ZNF804A: variants seen among roughly 807,000 people sequenced by gnomAD.
ZNF804A encodes the protein zinc finger protein 804A.
Under a neutral mutation model 16.5 loss-of-function variants are expected in ZNF804A, and 2 were observed. The observed-to-expected ratio is 0.12, with a 90% CI of 0.05 to 0.38. The LOEUF (loss-of-function observed/expected upper bound fraction) is 0.38, where lower values mean the gene tolerates loss of function less well. Among genes scored for constraint, ZNF804A ranks in the 10% least tolerant of loss-of-function variants. The pLI is 0.99. For synonymous variants in ZNF804A, 534 were observed against 489.6 expected (o/e 1.09, Z -1.20); for missense variants, 1,473 against 1,390.7 (o/e 1.06, Z -0.94).
intron 1 of ZNF804A, among the ~76,000 whole-genome samples, chr2:184,863,736 A>G (rs532557148): frequency 6.6e-6 from 1 of 152,278 alleles, no homozygotes; most frequent in South Asian, 2.1e-4. Context: ...CATTTCCTCT[A>G]TTGATTAGAA....
chr2:184,822,580 GAA>G lies in ZNF804A; in HGVS notation c.112-43787_112-43786del, dbSNP rs1695100963. Among the ~76,000 whole-genome samples the G allele has an allele frequency of 5.3e-5, 8 of 152,230 alleles. 1 individual carries two copies. The South Asian group carries it at 1.7e-3, about 32-fold the overall frequency. ...ATGAGATTGAATTTAAGAGTTGAGT[GAA>G]AGAGTAGTGTCTAAGAGTACCTCTT... On this transcript the variant is annotated intron_variant, in intron 1 of 3. Coordinates refer to ENST00000302277, the MANE Select transcript of ZNF804A (RefSeq NM_194250.2).
intron 1 of ZNF804A, among the ~76,000 whole-genome samples, chr2:184,795,734 G>T (rs1694621026): frequency 6.6e-6 from 1 of 151,880 alleles, no homozygotes; most frequent in Non-Finnish European, 1.5e-5. Context: ...AAATGAAACA[G>T]GATATATTAC....
intron 2 of ZNF804A, among the ~76,000 whole-genome samples, chr2:184,875,893 C>A (rs1377643423): frequency 6.6e-6 from 1 of 151,888 alleles, no homozygotes; most frequent in Non-Finnish European, 1.5e-5. Context: ...AGCCTATGGG[C>A]AATTCAAAGT....
intron 2 of ZNF804A, among the ~76,000 whole-genome samples, chr2:184,922,113 C>T (rs1685537770): frequency 6.6e-6 from 1 of 151,928 alleles, no homozygotes; most frequent in Non-Finnish European, 1.5e-5. Flanking sequence ...TACTGGTTTC[C>T]TTTCTTTTGT....
In ZNF804A at chr2:184,938,012, A is replaced by C. The variant is rs771959462; in HGVS notation, c.2616A>C (p.Thr872=). ...VAKIERNSEQ[T]NQLRNKLSFH... is the part of the protein sequence containing the mutation. ...AAATCGAAAGGAACTCAGAACAAAC[A>C]AACCAATTAAGAAACAAACTGTCTT... Residue 872 remains threonine, a synonymous_variant, in exon 4 of 4, where the codon ACA becomes ACC. Transcript: ENST00000302277. 1 of 1,614,102 alleles carries C rather than the reference A, an allele frequency of 6.2e-7. No homozygotes were observed. Among genetic ancestry groups the C allele is most frequent in the South Asian group, 1.1e-5 (1 of 91,078 alleles).
chr2:184,813,318 A>C (rs1694929520), intron 1 of ZNF804A, among the ~76,000 whole-genome samples: 1 of 152,276 alleles, frequency 6.6e-6, no homozygotes, highest in South Asian at 2.1e-4. Context: ...ACTCATATGA[A>C]GATAACCAAT....
intron 1 of ZNF804A, among the ~76,000 whole-genome samples, chr2:184,759,846 T>C (rs953659183): frequency 1.3e-4 from 19 of 151,954 alleles, no homozygotes; most frequent in Non-Finnish European, 2.8e-4. Context: ...GAACAACCCC[T>C]CTTTGACTGT....
At chr2:184,606,254 G>A (rs534738564) in intron 1 of ZNF804A, among the ~76,000 whole-genome samples, 1 of 152,280 alleles carries the variant, frequency 6.6e-6, no homozygotes, top group African/African-American at 2.4e-5. Flanking sequence ...ATTTCCACGT[G>A]GCTGGGGAGG....
chr2:184,672,537 A>C (rs779854206), intron 1 of ZNF804A, among the ~76,000 whole-genome samples: 4 of 152,240 alleles, frequency 2.6e-5, no homozygotes, highest in African/African-American at 4.8e-5. Flanking sequence ...TTTTGTGATG[A>C]AATTATAAAA....
At chr2:184,835,074 C>A (rs1695321856) in intron 1 of ZNF804A, among the ~76,000 whole-genome samples, 1 of 152,110 alleles carries the variant, frequency 6.6e-6, no homozygotes, top group South Asian at 2.1e-4. Flanking sequence ...CCTTCCTCAG[C>A]AAATTAACAG....
intron 1 of ZNF804A, among the ~76,000 whole-genome samples, chr2:184,704,398 C>T (rs534434382): frequency 2.0e-5 from 3 of 152,126 alleles, no homozygotes; most frequent in African/African-American, 2.4e-5. Context: ...ATGATCCACC[C>T]GCCTCAGCCT....
intron 1 of ZNF804A, among the ~76,000 whole-genome samples, chr2:184,790,286 T>C (rs995815350): frequency 6.6e-6 from 1 of 151,802 alleles, no homozygotes; most frequent in African/African-American, 2.4e-5. Flanking sequence ...TTGGAGAATG[T>C]TCTTTGCAAA....
At chr2:184,931,166 C>A (rs1389285651) in intron 2 of ZNF804A, among the ~76,000 whole-genome samples, 2 of 152,188 alleles carry the variant, frequency 1.3e-5, no homozygotes, top group African/African-American at 4.8e-5. Flanking sequence ...TTTTTCCAGG[C>A]ACATGGTATA....
chr2:184,631,281 C>A (rs893099743), intron 1 of ZNF804A, among the ~76,000 whole-genome samples: 1 of 151,962 alleles, frequency 6.6e-6, no homozygotes, highest in Non-Finnish European at 1.5e-5. Context: ...CTCTGCTGTC[C>A]CCCAGCAAAA....
At chr2:184,738,185 A>G (rs2105751446) in intron 1 of ZNF804A, among the ~76,000 whole-genome samples, 1 of 152,192 alleles carries the variant, frequency 6.6e-6, no homozygotes, top group Admixed American at 6.5e-5. Context: ...ATGAAGTGAA[A>G]GTTAAAATGG....
intron 1 of ZNF804A, among the ~76,000 whole-genome samples, chr2:184,625,591 C>T (rs866277171): frequency 2.6e-5 from 4 of 151,876 alleles, no homozygotes; most frequent in African/African-American, 9.7e-5. Context: ...ATAAAAGGCA[C>T]GATTTAAGAT....
chr2:184,647,528 A>T (rs940986083), intron 1 of ZNF804A, among the ~76,000 whole-genome samples: 1 of 152,210 alleles, frequency 6.6e-6, no homozygotes, highest in African/African-American at 2.4e-5. Context: ...AGGAAGAGAT[A>T]AACATTATAA....
chr2:184,820,355 T>C (rs968209035), intron 1 of ZNF804A, among the ~76,000 whole-genome samples: 1 of 151,926 alleles, frequency 6.6e-6, no homozygotes, highest in Admixed American at 6.6e-5. Context: ...ATGCCTTTGA[T>C]AAAATTAACA....
intron 1 of ZNF804A, among the ~76,000 whole-genome samples, chr2:184,801,735 T>A (rs771848756): frequency 4.6e-5 from 7 of 152,246 alleles, no homozygotes; most frequent in Non-Finnish European, 8.8e-5. Flanking sequence ...GTAACAGCTA[T>A]TTTAAATTCC....
Sources: allele counts gnomAD v4.1 joint callset (sites outside exome capture counted in the v4.1 genomes callset), GRCh38; gene constraint gnomAD v4.1.1; transcripts MANE v1.5; gene names NCBI Gene and HGNC (gene_info 2026-07-23, HGNC 2026-07-21).